The following LRCH3 variants were observed in gnomAD, a reference collection of about 807,000 sequenced individuals.
LRCH3 encodes leucine rich repeats and calponin homology domain containing 3, also known as DISP complex protein LRCH3.
Under a neutral mutation model 104.5 loss-of-function variants are expected in LRCH3, and 68 were observed. The ratio of observed to expected loss-of-function variants is 0.65; its 90% CI spans 0.54 to 0.80. The LOEUF is 0.80. LRCH3 is among the 30% of genes least tolerant of loss of function. The pLI is 0.00. For missense variants in LRCH3, 951 were observed against 953.9 expected (o/e 1.00, Z 0.04); for synonymous variants, 344 against 361.3 (o/e 0.95, Z 0.54).
At chr3:197,837,312 A>G (rs771602805) in intron 9 of LRCH3, among the ~76,000 whole-genome samples, 1 of 152,216 alleles carries the variant, frequency 6.6e-6, no homozygotes, top group Non-Finnish European at 1.5e-5. Flanking sequence ...TATCTCTACT[A>G]AAAGTGAAAA....
chr3:197,834,366 A>G (rs191628307), intron 8 of LRCH3, among the ~76,000 whole-genome samples: 31 of 152,350 alleles, frequency 2.0e-4, no homozygotes, highest in African/African-American at 7.2e-4. Context: ...TCCCATCCAT[A>G]AACTATTATA....
intron 4 of LRCH3, among the ~76,000 whole-genome samples, chr3:197,824,338 C>G (rs150628569): frequency 7.0e-6 from 1 of 143,318 alleles, no homozygotes; most frequent in African/African-American, 2.6e-5. Flanking sequence ...GCTGGGATTA[C>G]AGGCGTGAGC....
intron 12 of LRCH3, 27 bp from the exon 13 acceptor site, chr3:197,852,534 T>A (rs761330796): frequency 1.2e-6 from 2 of 1,612,618 alleles, no homozygotes; most frequent in South Asian, 2.2e-5. Context: ...CCAACTTCCT[T>A]TTTTGGGGGG....
rs974484937 is a variant in LRCH3, at chr3:197,879,529, C to T, written c.2208+3754C>T. Among the ~76,000 whole-genome samples the T allele has an allele frequency of 8.8e-4, 134 of 151,688 alleles. 1 individual carries two copies. The highest frequency in any genetic ancestry group is 9.3e-4 in the Non-Finnish European group (63 of 68,012). On this transcript the variant is annotated intron_variant, in intron 20 of 20. Transcript: ENST00000425562. ...GGCGTGGTGGCGGGCGCCTGTAGTC[C>T]CAGCTGCTCGGGAGGCTGAGGCGGG... is the stretch of plus-strand genomic sequence containing the variant.
chr3:197,819,288 A>G (rs1193896840), intron 3 of LRCH3, among the ~76,000 whole-genome samples: 15 of 151,570 alleles, frequency 9.9e-5, no homozygotes, highest in Non-Finnish European at 4.4e-5. Context: ...GAGATTATAC[A>G]TTGCTATTAC....
chr3:197,865,594 G>A, intron 16 of LRCH3, 123 bp downstream of exon 16: 1 of 527,452 alleles, frequency 1.9e-6, no homozygotes, highest in Non-Finnish European at 3.1e-6. Flanking sequence ...TCAAACTCCT[G>A]GGCTCAAGGG....
At chr3:197,797,302 C>A (rs115196009) in intron 1 of LRCH3, among the ~76,000 whole-genome samples, 4,976 of 114,336 alleles carry the variant, frequency 0.044, 149 homozygotes, top group African/African-American at 0.097. Context: ...GCACTCCAGA[C>A]TGGGCAACGA....
chr3:197,885,889 T>C lies in LRCH3; in HGVS notation c.*2223T>C, dbSNP rs190048455. On this transcript the variant is annotated 3_prime_UTR_variant, in exon 21 of 21. Coordinates refer to ENST00000425562, the MANE Select transcript of LRCH3 (RefSeq NM_001365715.1). Reference sequence around the variant, plus strand: ...GGATTTTCTTTACAATGCATCCATTTGGGCATAATGTTATCCCTCTTTTTA... The same window carrying C: ...GGATTTTCTTTACAATGCATCCATTCGGGCATAATGTTATCCCTCTTTTTA... The C allele has an allele frequency of 6.6e-6, 1 of 152,368 alleles. No individual in the cohort carries two copies. The highest frequency in any genetic ancestry group is 1.9e-4 in the East Asian group (1 of 5,192). The allele number at this position is 152,368 out of a possible 1,614,324, so 9.4% of individuals were successfully genotyped here.
intron 8 of LRCH3, 134 bp from the exon 9 acceptor site, chr3:197,835,540 T>G: frequency 7.6e-7 from 1 of 1,307,402 alleles, no homozygotes; most frequent in South Asian, 2.1e-5. Context: ...TTTAAAGTTT[T>G]TATCATCCCT....
chr3:197,793,041 G>A (rs567640726), intron 1 of LRCH3, among the ~76,000 whole-genome samples: 1 of 152,116 alleles, frequency 6.6e-6, no homozygotes, highest in Non-Finnish European at 1.5e-5. Flanking sequence ...CGCCGACCTC[G>A]GCCTTACAAA....
At chr3:197,791,253 C>A (rs370275933), upstream of LRCH3, 4 of 1,604,040 alleles carry the variant, frequency 2.5e-6, no homozygotes, top group East Asian at 6.8e-5. Flanking sequence ...GCTGAGCTGG[C>A]GGGCCCGAGT....
At chr3:197,792,577 TTA>T (rs11420466) in intron 1 of LRCH3, among the ~76,000 whole-genome samples, 2,707 of 20,284 alleles carry the variant, frequency 0.13, 500 homozygotes, top group African/African-American at 0.27. Context: ...CCAGCTAATT[TTA>T]TATATATATA....
At chr3:197,806,171 C>A (rs2109137122) in intron 1 of LRCH3, among the ~76,000 whole-genome samples, 1 of 152,274 alleles carries the variant, frequency 6.6e-6, no homozygotes, top group Non-Finnish European at 1.5e-5. Flanking sequence ...GGTGATCCAC[C>A]TGCCTCGGCC....
At position 197,820,356 on chromosome 3, in the gene LRCH3, C is replaced by G. The variant is rs752021369; in HGVS notation, c.566C>G (p.Pro189Arg). ...AGCTGCAATGAAATTCAAACTATAC[C>G]TTCCCAAATTGGTAACCTGGAGGCC... ...DVSCNEIQTI[P>R]SQIGNLEALR... The change falls in exon 4 of 21, where the codon CCT (proline) becomes CGT (arginine). Residue 189 changes from proline to arginine, a missense_variant. Pro to Arg is a moderately radical substitution (Grantham distance 103, BLOSUM62 -2). Coordinates refer to ENST00000425562, the MANE Select transcript of LRCH3 (RefSeq NM_001365715.1). 1.9e-6 allele frequency: 3 copies of G among 1,612,876 alleles called. No homozygotes were observed. Among genetic ancestry groups the G allele is most frequent in the Non-Finnish European group, 1.7e-6 (2 of 1,178,910 alleles).
intron 10 of LRCH3, among the ~76,000 whole-genome samples, chr3:197,846,163 G>A (rs886321387): frequency 3.3e-5 from 5 of 152,088 alleles, no homozygotes; most frequent in African/African-American, 1.2e-4. Flanking sequence ...AGCACTCGGA[G>A]GCCTCGGTGG....
intron 9 of LRCH3, among the ~76,000 whole-genome samples, chr3:197,838,481 T>C (rs985372592): frequency 1.3e-5 from 2 of 152,354 alleles, no homozygotes; most frequent in African/African-American, 4.8e-5. Context: ...AGTAGTTTTA[T>C]GTTTGATTTG....
Position 197,883,799 on chromosome 3 carries a change from G to A in LRCH3, c.*133G>A, listed in dbSNP as rs1444297676. ...GGACCGTTCCCATGATTCCTAACAG[G>A]AATATTTTGCTTCATTTCTCCATTT... On this transcript the variant is annotated 3_prime_UTR_variant, in exon 21 of 21. Transcript: ENST00000425562. This position sits in a 1 kb window ranked among gnomAD's most constrained non-coding sequence, Gnocchi z 4.2. 1 of 981,000 alleles carries A rather than the reference G, an allele frequency of 1.0e-6. No individual in the cohort carries two copies. The highest frequency in any genetic ancestry group is 3.1e-5 in the East Asian group (1 of 31,868). 60.8% of individuals were successfully genotyped at this position (981,000 alleles called of 1,614,324 possible). A position where few individuals can be genotyped will look rare whatever the true frequency, so the allele number is the denominator to read the frequency against.
chr3:197,870,157 T>G lies in LRCH3; in HGVS notation c.1874-3T>G, dbSNP rs1405902933. Reference sequence around the variant, plus strand: ...TCTGTCTTACATATTAATATTTTTATAGGTCATGCTTCACCCCTTCCTCCA... The same window carrying G: ...TCTGTCTTACATATTAATATTTTTAGAGGTCATGCTTCACCCCTTCCTCCA... On this transcript the variant is annotated splice_polypyrimidine_tract_variant and splice_region_variant and intron_variant, in intron 17 of 20. Coordinates refer to ENST00000425562, the MANE Select transcript of LRCH3 (RefSeq NM_001365715.1). 6.2e-7 allele frequency: 1 copy of G among 1,611,502 alleles called. No homozygotes were observed. Among genetic ancestry groups the G allele is most frequent in the Admixed American group, 1.7e-5 (1 of 59,704 alleles).
At chr3:197,880,442 A>C in intron 20 of LRCH3, 1 of 1,136,164 alleles carries the variant, frequency 8.8e-7, no homozygotes, top group Non-Finnish European at 1.3e-6. Flanking sequence ...TGAATTCTAT[A>C]CTCAAATCTG....
Sources: gnomAD v4.1 joint callset for allele counts (sites outside exome capture counted in the v4.1 genomes callset) on GRCh38, gnomAD v4.1.1 for gene constraint, Gnocchi (gnomAD v3.1) non-coding constraint, MANE v1.5 for transcripts, NCBI Gene and HGNC (gene_info 2026-07-23, HGNC 2026-07-21) for gene names.